MTHFD1L: variants seen among roughly 807,000 people sequenced by gnomAD.
The protein encoded by MTHFD1L is methylenetetrahydrofolate dehydrogenase (NADP+ dependent) 1 like.
A neutral mutation model predicts 119.5 loss-of-function variants in MTHFD1L; 81 were observed. The observed-to-expected ratio is 0.68, with a 90% CI of 0.57 to 0.82. The LOEUF (loss-of-function observed/expected upper bound fraction) is 0.82, where lower values mean the gene tolerates loss of function less well. Ranked by LOEUF, MTHFD1L falls within the 40% of genes least tolerant of loss-of-function variation. The probability of loss-of-function intolerance (pLI) is 0.00; values close to 1 mark genes in which losing one functional copy is unlikely to be tolerated. For synonymous variants in MTHFD1L, 430 were observed against 475.2 expected (o/e 0.90, Z 1.24); for missense variants, 1,125 against 1,253.4 (o/e 0.90, Z 1.55).
chr6:151,026,639 G>T (rs780927652), intron 24 of MTHFD1L, among the ~76,000 whole-genome samples: 12 of 151,986 alleles, frequency 7.9e-5, no homozygotes, highest in Non-Finnish European at 1.6e-4. Context: ...GTTCAAAAAT[G>T]ACCAAAGACA....
At chr6:150,895,100 C>T (rs1289134441) in intron 7 of MTHFD1L, among the ~76,000 whole-genome samples, 1 of 152,170 alleles carries the variant, frequency 6.6e-6, no homozygotes, top group Non-Finnish European at 1.5e-5. Context: ...CTAGGGAACC[C>T]CCCGCCTTTC....
At chr6:150,921,707 C>A (rs1422399995) in intron 9 of MTHFD1L, among the ~76,000 whole-genome samples, 1 of 152,192 alleles carries the variant, frequency 6.6e-6, no homozygotes, top group East Asian at 1.9e-4. Context: ...ATCACCACAC[C>A]TGGATTTTTT....
intron 24 of MTHFD1L, among the ~76,000 whole-genome samples, chr6:151,024,548 G>A (rs75577881): frequency 2.0e-5 from 3 of 151,958 alleles, no homozygotes; most frequent in Admixed American, 6.6e-5. Context: ...AAAAAAAAAG[G>A]CCAGGCACGA....
intron 26 of MTHFD1L, among the ~76,000 whole-genome samples, chr6:151,074,530 C>T (rs1792306366): frequency 6.6e-6 from 1 of 152,124 alleles, no homozygotes; most frequent in Admixed American, 6.5e-5. Flanking sequence ...AGTAGTATAA[C>T]TATATGTGGT....
At chr6:151,014,824 G>C in intron 22 of MTHFD1L, 56 bp from the exon 23 acceptor site, 1 of 1,404,752 alleles carries the variant, frequency 7.1e-7, no homozygotes, top group African/African-American at 1.4e-5. Flanking sequence ...TAGCTTGGCA[G>C]GTTTGGTGGG....
At chr6:150,932,375 T>C (rs1041323341) in intron 11 of MTHFD1L, among the ~76,000 whole-genome samples, 6 of 152,112 alleles carry the variant, frequency 3.9e-5, no homozygotes, top group African/African-American at 1.4e-4. Context: ...ATCAATGCTC[T>C]AGATATCAGA....
intron 26 of MTHFD1L, among the ~76,000 whole-genome samples, chr6:151,075,437 C>A (rs181031179): frequency 6.6e-6 from 1 of 151,854 alleles, no homozygotes; most frequent in African/African-American, 2.4e-5. Context: ...GTTTCACGAA[C>A]AGGACATAGC....
chr6:151,018,439 G>A (rs573660134), intron 24 of MTHFD1L, among the ~76,000 whole-genome samples: 1 of 152,268 alleles, frequency 6.6e-6, no homozygotes, highest in Non-Finnish European at 1.5e-5. Flanking sequence ...GGGTATATGG[G>A]CGCTTTGCAC....
In MTHFD1L at chr6:150,946,053, T is replaced by C. The variant is rs139874835; in HGVS notation, c.1623+512T>C. Among the ~76,000 whole-genome samples the C allele has an allele frequency of 4.1e-3, 631 of 152,356 alleles. 3 individuals are homozygous for C. Among genetic ancestry groups the C allele is most frequent in the African/African-American group, 0.014 (602 of 41,572 alleles). The stretch of plus-strand genomic sequence containing the variant: ...AGAATTTTTGGTGAGTCCTTCTCTT[T>C]CTAAAGTGAAATATTTTTATGAAAT... On this transcript the variant is annotated intron_variant, in intron 15 of 27. Transcript: ENST00000367321.
chr6:150,887,299 A>T (rs1782481949), intron 6 of MTHFD1L, among the ~76,000 whole-genome samples: 1 of 152,200 alleles, frequency 6.6e-6, no homozygotes, highest in Middle Eastern at 3.2e-3. Context: ...GAAAAGAGTA[A>T]ATTAGGCTGG....
At chr6:150,978,064 C>T (rs927722598) in intron 20 of MTHFD1L, among the ~76,000 whole-genome samples, 5 of 152,052 alleles carry the variant, frequency 3.3e-5, no homozygotes, top group Non-Finnish European at 7.3e-5. Context: ...CCACACTCGG[C>T]TAATTTTTGT....
At chr6:150,956,897 C>T (rs1444158768) in intron 17 of MTHFD1L, among the ~76,000 whole-genome samples, 2 of 149,280 alleles carry the variant, frequency 1.3e-5, no homozygotes, top group Non-Finnish European at 3.0e-5. Context: ...GACCTCGTCT[C>T]CTCCCAGTCC....
chr6:150,967,855 T>C (rs563440), intron 19 of MTHFD1L, among the ~76,000 whole-genome samples: 37,071 of 151,990 alleles, frequency 0.24, 5,346 homozygotes, highest in East Asian at 0.54. Flanking sequence ...TCAGCAGCCA[T>C]AGAGACTGAA....
chr6:150,937,934 C>A (rs184147849), intron 12 of MTHFD1L, among the ~76,000 whole-genome samples: 680 of 152,318 alleles, frequency 4.5e-3, no homozygotes, highest in Admixed American at 7.5e-3. Context: ...CGCAGCATGA[C>A]AAATCTCACA....
intron 24 of MTHFD1L, among the ~76,000 whole-genome samples, chr6:151,023,109 C>A (rs548848717): frequency 6.6e-6 from 1 of 150,844 alleles, no homozygotes; most frequent in African/African-American, 2.4e-5. Flanking sequence ...TGCATTGGCA[C>A]GATCTCGGCT....
intron 11 of MTHFD1L, among the ~76,000 whole-genome samples, chr6:150,933,619 G>A (rs1196818029): frequency 6.6e-6 from 1 of 152,116 alleles, no homozygotes. Flanking sequence ...CCTGGCCACA[G>A]TGGGTACCAG....
chr6:150,914,255 C>T (rs1211887942), intron 8 of MTHFD1L, among the ~76,000 whole-genome samples: 1 of 152,136 alleles, frequency 6.6e-6, no homozygotes, highest in Non-Finnish European at 1.5e-5. Context: ...TGAGATGGTG[C>T]CACTGTACTC....
intron 8 of MTHFD1L, among the ~76,000 whole-genome samples, chr6:150,918,008 A>G (rs1232891695): frequency 6.7e-6 from 1 of 149,524 alleles, no homozygotes; most frequent in Non-Finnish European, 1.5e-5. Flanking sequence ...AAAGCACATG[A>G]TGTGCTTCAT....
chr6:151,082,768 C>T (rs1793327973), intron 26 of MTHFD1L, among the ~76,000 whole-genome samples: 1 of 152,030 alleles, frequency 6.6e-6, no homozygotes, highest in Non-Finnish European at 1.5e-5. Context: ...TATACTCATG[C>T]TGTAGTTATA....
Sources: gnomAD v4.1 joint callset for allele counts (sites outside exome capture counted in the v4.1 genomes callset) on GRCh38, gnomAD v4.1.1 for gene constraint, MANE v1.5 for transcripts, NCBI Gene and HGNC (gene_info 2026-07-23, HGNC 2026-07-21) for gene names.